The following DMXL1 variants were observed in gnomAD, a reference collection of about 807,000 sequenced individuals.
DMXL1 encodes dmX-like protein 1.
Under a neutral mutation model 319.2 loss-of-function variants are expected in DMXL1, and 99 were observed. That is an observed-to-expected ratio of 0.31 (90% CI 0.26 to 0.37). DMXL1 has a LOEUF of 0.37. DMXL1 is among the 10% of genes least tolerant of loss of function. The pLI is 1.00. For missense variants in DMXL1, 3,745 were observed against 3,595.6 expected (o/e 1.04, Z -1.06); for synonymous variants, 1,385 against 1,235.2 (o/e 1.12, Z -2.54).
At chr5:119,163,370 T>G (rs944679923) in intron 19 of DMXL1, among the ~76,000 whole-genome samples, 3 of 152,208 alleles carry the variant, frequency 2.0e-5, no homozygotes, top group African/African-American at 7.2e-5. Context: ...CTGCAATTAC[T>G]TTTGTACCAA....
At chr5:119,205,982 T>G (rs533116441) in intron 33 of DMXL1, among the ~76,000 whole-genome samples, 2 of 152,220 alleles carry the variant, frequency 1.3e-5, no homozygotes, top group African/African-American at 2.4e-5. Flanking sequence ...AGAACTGCTC[T>G]TTCTTTATTT....
chr5:119,093,904 C>A (rs1317473278), intron 1 of DMXL1, among the ~76,000 whole-genome samples: 1 of 152,210 alleles, frequency 6.6e-6, no homozygotes, highest in African/African-American at 2.4e-5. Context: ...AGGACCCTAA[C>A]TCTTCTCAAT....
intron 26 of DMXL1, among the ~76,000 whole-genome samples, chr5:119,176,001 A>G (rs1775729967): frequency 6.6e-6 from 1 of 151,874 alleles, no homozygotes; most frequent in African/African-American, 2.4e-5. Context: ...GTCATTTCTT[A>G]ATGTTCTTTA....
At chr5:119,240,241 C>T (rs924354788) in intron 41 of DMXL1, among the ~76,000 whole-genome samples, 178 bp from the exon 42 acceptor site, 3 of 151,864 alleles carry the variant, frequency 2.0e-5, no homozygotes, top group African/African-American at 7.3e-5. Context: ...CCACTGCATT[C>T]TTTTTTTTAT....
At chr5:119,142,360 C>T (rs1443979668) in intron 13 of DMXL1, among the ~76,000 whole-genome samples, 1 of 151,866 alleles carries the variant, frequency 6.6e-6, no homozygotes, top group Non-Finnish European at 1.5e-5. Flanking sequence ...ACAGCTCCAT[C>T]AAAAAGTGAG....
At chr5:119,084,726 G>A (rs756826732) in intron 1 of DMXL1, among the ~76,000 whole-genome samples, 1 of 151,936 alleles carries the variant, frequency 6.6e-6, no homozygotes, top group Non-Finnish European at 1.5e-5. Context: ...TTAGCCCGGC[G>A]TGGTGGCACA....
intron 34 of DMXL1, 34 bp downstream of exon 34, chr5:119,206,930 G>T (rs1781847287): frequency 7.6e-7 from 1 of 1,315,520 alleles, no homozygotes; most frequent in African/African-American, 1.5e-5. Context: ...ATTAAAAATT[G>T]CATTCTTTCA....
chr5:119,174,235 C>T (rs1370590611), intron 25 of DMXL1, among the ~76,000 whole-genome samples: 3 of 152,116 alleles, frequency 2.0e-5, no homozygotes, highest in African/African-American at 7.2e-5. Context: ...CCAGTCACAC[C>T]TAGATTTTTT....
chr5:119,145,379 T>G (rs916628804), intron 15 of DMXL1, among the ~76,000 whole-genome samples: 2 of 151,826 alleles, frequency 1.3e-5, no homozygotes, highest in African/African-American at 4.8e-5. Context: ...GACATCTAAT[T>G]TCTTACCATT....
chr5:119,116,208 T>C lies in DMXL1; in HGVS notation c.615T>C (p.Ala205=), dbSNP rs748798300. ...ATAATGTAGAAAACTGGCGGACAGC[T>C]GTTACTTCTCCAGATGGAAGTTCAG... ...VWYNVENWRT[A]VTSPDGSSEK... Residue 205 remains alanine, a synonymous_variant, in exon 7 of 44, where the codon GCT becomes GCC. Coordinates refer to ENST00000539542, the MANE Select transcript of DMXL1 (RefSeq NM_001290321.3). The C allele has an allele frequency of 6.2e-7, 1 of 1,614,106 alleles. No individual in the cohort carries two copies. Among genetic ancestry groups the C allele is most frequent in the Non-Finnish European group, 8.5e-7 (1 of 1,179,980 alleles).
Position 119,097,963 on chromosome 5 carries a change from T to G in DMXL1, c.88-16T>G. 6.3e-7 allele frequency: 1 copy of G among 1,583,956 alleles called. No homozygotes were observed. The highest frequency in any genetic ancestry group is 1.1e-5 in the South Asian group (1 of 87,560). ...TCCTTGACACTTTTATCATTTTTATTTATTTATTTTTTTAGGCTTATGCAT... is the reference window on the plus strand; with the variant it reads ...TCCTTGACACTTTTATCATTTTTATGTATTTATTTTTTTAGGCTTATGCAT... On this transcript the variant is annotated splice_polypyrimidine_tract_variant and intron_variant, in intron 1 of 43. Transcript: ENST00000539542.
chr5:119,121,254 C>T (rs1248377777), intron 9 of DMXL1, 115 bp downstream of exon 9: 4 of 792,566 alleles, frequency 5.0e-6, no homozygotes, highest in South Asian at 4.0e-5. Context: ...CTGTCTTAGC[C>T]TATTTTTCTT....
At chr5:119,243,967 T>C (rs775241864) in intron 42 of DMXL1, among the ~76,000 whole-genome samples, 1 of 152,240 alleles carries the variant, frequency 6.6e-6, no homozygotes, top group African/African-American at 2.4e-5. Flanking sequence ...AACAGTTGAA[T>C]CTGGGGGACC....
At chr5:119,174,658 C>T (rs1389832758) in intron 25 of DMXL1, among the ~76,000 whole-genome samples, 1 of 152,214 alleles carries the variant, frequency 6.6e-6, no homozygotes, top group East Asian at 1.9e-4. Context: ...GCTGAAGTTT[C>T]TCCTTCATCC....
At chr5:119,173,505 G>T (rs1775026255) in intron 25 of DMXL1, among the ~76,000 whole-genome samples, 1 of 151,630 alleles carries the variant, frequency 6.6e-6, no homozygotes, top group Admixed American at 6.6e-5. Flanking sequence ...CAACTGGTGG[G>T]TTAGTCAGGT....
chr5:119,189,676 A>T, intron 28 of DMXL1, 32 bp from the exon 29 acceptor site: 1 of 1,596,620 alleles, frequency 6.3e-7, no homozygotes, highest in Non-Finnish European at 8.6e-7. Flanking sequence ...TGAAAATAGT[A>T]CTTCAGTAAC....
At chr5:119,140,119 G>T (rs1025848017) in intron 13 of DMXL1, among the ~76,000 whole-genome samples, 16 of 152,226 alleles carry the variant, frequency 1.1e-4, no homozygotes, top group African/African-American at 3.9e-4. Context: ...CACAACTAAG[G>T]CAGTGTTAAG....
chr5:119,178,083 C>T lies in DMXL1; in HGVS notation c.6974C>T (p.Ala2325Val). ...GTCTTGCTCTGTGAGATTCTCACAG[C>T]AGTGTATCTTAGTCTCTTCATCCAT... ...LTVLLCEILTAVYLSLFIHGL... is the reference protein window; with the variant it reads ...LTVLLCEILTVVYLSLFIHGL... Residue 2325 changes from alanine to valine, a missense_variant, in exon 28 of 44, where the codon GCA becomes GTA. This residue lies in a region of DMXL1 where 1,382 missense variants were observed against 1,269.5 expected (regional missense o/e 1.09). Transcript: ENST00000539542. The T allele has an allele frequency of 6.2e-7, 1 of 1,613,922 alleles. No homozygotes were observed. The highest frequency in any genetic ancestry group is 8.5e-7 in the Non-Finnish European group (1 of 1,179,800).
chr5:119,154,962 G>A (rs921533938), intron 19 of DMXL1, among the ~76,000 whole-genome samples: 3 of 152,258 alleles, frequency 2.0e-5, no homozygotes, highest in East Asian at 1.9e-4. Context: ...TTCTGCCTGC[G>A]CTCTACACAT....
Sources: gnomAD v4.1 joint callset for allele counts (sites outside exome capture counted in the v4.1 genomes callset) on GRCh38, gnomAD v4.1.1 for gene constraint, gnomAD v4.1.1 regional missense constraint, MANE v1.5 for transcripts, NCBI Gene and HGNC (gene_info 2026-07-23, HGNC 2026-07-21) for gene names.